Variants in SLF1 observed in about 807,000 individuals in gnomAD.
SLF1 encodes SMC5/6 complex localization factor 1.
Under a neutral mutation model 123.0 loss-of-function variants are expected in SLF1, and 105 were observed. That is an observed-to-expected ratio of 0.85 (90% CI 0.73 to 1.00). SLF1 has a LOEUF of 1.00. Among genes scored for constraint, SLF1 ranks in the 50% least tolerant of loss-of-function variants. The pLI is 0.00. For synonymous variants in SLF1, 434 were observed against 406.6 expected (o/e 1.07, Z -0.81); for missense variants, 1,239 against 1,223.0 (o/e 1.01, Z -0.20).
At chr5:94,654,430 C>G (rs1013961763) in intron 8 of SLF1, among the ~76,000 whole-genome samples, 200 bp from the exon 9 acceptor site, 6 of 149,070 alleles carry the variant, frequency 4.0e-5, no homozygotes, top group Non-Finnish European at 5.9e-5. Context: ...ATGTAAATAT[C>G]AGTTAATTCT....
chr5:94,630,530 T>C lies in SLF1; in HGVS notation c.218T>C (p.Ile73Thr). ...AGKWILTKDY[I>T]IHSAKSGRWL... Reference sequence around the variant, plus strand: ...AAGTGGATACTAACCAAGGACTATATAATTCATAGTGCCAAAAGTGGCAGA... The same window carrying C: ...AAGTGGATACTAACCAAGGACTATACAATTCATAGTGCCAAAAGTGGCAGA... Residue 73 changes from isoleucine (I) to threonine (T), a missense_variant, in exon 4 of 21, where the codon ATA becomes ACA. Physicochemically the swap from Ile to Thr is moderately conservative, Grantham distance 89. Transcript: ENST00000265140. 1.9e-6 allele frequency: 3 copies of C among 1,551,608 alleles called. No individual in the cohort carries two copies. Among genetic ancestry groups the C allele is most frequent in the Non-Finnish European group, 2.6e-6 (3 of 1,146,900 alleles).
chr5:94,675,058 C>T (rs901224672), intron 14 of SLF1, among the ~76,000 whole-genome samples: 4 of 152,340 alleles, frequency 2.6e-5, no homozygotes, highest in African/African-American at 9.6e-5. Flanking sequence ...GGAAGAGGCA[C>T]AGTGTGTGCT....
intron 8 of SLF1, 146 bp from the exon 9 acceptor site, chr5:94,654,484 T>G (rs2152480829): frequency 2.3e-6 from 1 of 432,810 alleles, no homozygotes; most frequent in African/African-American, 2.1e-5. Flanking sequence ...TCTTTCATTG[T>G]GTAATCTTGA....
intron 20 of SLF1, among the ~76,000 whole-genome samples, chr5:94,693,833 G>C (rs1167027618): frequency 6.7e-6 from 1 of 148,916 alleles, no homozygotes; most frequent in East Asian, 2.0e-4. Flanking sequence ...GCCTAATTTT[G>C]TTTTAGAATT....
chr5:94,643,740 T>C lies in SLF1; in HGVS notation c.594+305T>C, dbSNP rs77331929. On this transcript the variant is annotated intron_variant, in intron 5 of 20. Coordinates refer to ENST00000265140, the MANE Select transcript of SLF1 (RefSeq NM_032290.4). Reference sequence around the variant, plus strand: ...TGAGAATTTGGGGGTTATTTTTCCTTTGGAAAAGAGAGCTATTTCTAAGGG... The same window carrying C: ...TGAGAATTTGGGGGTTATTTTTCCTCTGGAAAAGAGAGCTATTTCTAAGGG... Among the ~76,000 whole-genome samples, 553 of 152,238 alleles carry C rather than the reference T, an allele frequency of 3.6e-3. 2 individuals are homozygous for C. Among genetic ancestry groups the C allele is most frequent in the African/African-American group, 0.013 (534 of 41,562 alleles).
intron 12 of SLF1, among the ~76,000 whole-genome samples, chr5:94,666,569 C>G (rs1279021079): frequency 6.6e-6 from 1 of 152,122 alleles, no homozygotes; most frequent in African/African-American, 2.4e-5. Context: ...CCTTCTTTCT[C>G]CCTAACAGAA....
At chr5:94,625,447 G>C (rs1328366621) in intron 1 of SLF1, among the ~76,000 whole-genome samples, 1 of 151,330 alleles carries the variant, frequency 6.6e-6, no homozygotes, top group East Asian at 2.0e-4. Flanking sequence ...GCAATGGTGT[G>C]GTCTCGGCTC....
intron 8 of SLF1, among the ~76,000 whole-genome samples, chr5:94,653,949 T>C (rs867568867): frequency 1.3e-5 from 2 of 152,170 alleles, no homozygotes; most frequent in Middle Eastern, 3.4e-3. Flanking sequence ...CGGGGCAGAT[T>C]GCTTGAGCTC....
At position 94,662,344 on chromosome 5, in the gene SLF1, A is replaced by C. The variant is rs1046089945; in HGVS notation, c.1202A>C (p.Asn401Thr). The part of the protein sequence containing the change: ...CIRIDKQPVY[N>T]VEVKNAEFPR... ...AGAATAGATAAACAACCAGTGTACA[A>C]CGTAGAGGTAAGGGGCTTGGAGCAG... The change falls in exon 10 of 21, where the codon AAC becomes ACC. Residue 401 changes from asparagine to threonine, a missense_variant. Asn to Thr is a moderately conservative substitution (Grantham distance 65, BLOSUM62 0). Transcript: ENST00000265140. 6.5e-7 allele frequency: 1 copy of C among 1,548,778 alleles called. No homozygotes were observed. The highest frequency in any genetic ancestry group is 8.7e-7 in the Non-Finnish European group (1 of 1,145,428).
intron 6 of SLF1, among the ~76,000 whole-genome samples, chr5:94,650,186 CT>C (rs1346036734): frequency 2.0e-5 from 3 of 152,000 alleles, no homozygotes; most frequent in African/African-American, 7.3e-5. Context: ...GTTATGTTCA[CT>C]TTCATATTGT....
At chr5:94,661,921 CAAT>C (rs144752736) in intron 9 of SLF1, among the ~76,000 whole-genome samples, 3,659 of 152,202 alleles carry the variant, frequency 0.024, 69 homozygotes, top group Non-Finnish European at 0.033. Context: ...TGTTTTAAAA[CAAT>C]AAGATTTGAC....
In SLF1 at chr5:94,627,585, CATATATATAT is replaced by C. The variant is rs58847356; in HGVS notation, c.1-1200_1-1191del. Reference sequence around the variant, plus strand: ...TCTACCTTGTAAATGATGAAATTAACATATATATATATATATATATATATATATATATATA... The same window carrying C: ...TCTACCTTGTAAATGATGAAATTAACATATATATATATATATATATATATA... On this transcript the variant is annotated intron_variant, in intron 1 of 20. Transcript: ENST00000265140. Among the ~76,000 whole-genome samples, 88 of 86,844 alleles carry C rather than the reference CATATATATAT, an allele frequency of 1.0e-3. 1 individual carries two copies. Among genetic ancestry groups the C allele is most frequent in the African/African-American group, 2.9e-3 (67 of 23,300 alleles). The allele number at this position is 86,844 out of a possible 152,430, so 57.0% of individuals were successfully genotyped here.
intron 6 of SLF1, 57 bp from the exon 7 acceptor site, chr5:94,651,645 G>C (rs1215522608): frequency 7.3e-7 from 1 of 1,362,552 alleles, no homozygotes; most frequent in South Asian, 1.6e-5. Context: ...TGTGTTGATT[G>C]TGTTAAGGCT....
At chr5:94,685,261 T>C (rs1752280959) in intron 15 of SLF1, among the ~76,000 whole-genome samples, 1 of 152,238 alleles carries the variant, frequency 6.6e-6, no homozygotes, top group Admixed American at 6.5e-5. Context: ...AAGTTTATCA[T>C]TGTCTGATTT....
At chr5:94,654,780 T>C (rs1448776828) in intron 9 of SLF1, 28 bp downstream of exon 9, 2 of 1,467,498 alleles carry the variant, frequency 1.4e-6, no homozygotes, top group African/African-American at 2.9e-5. Flanking sequence ...AAAAATTTTG[T>C]ATAATATCGT....
intron 15 of SLF1, among the ~76,000 whole-genome samples, chr5:94,684,426 C>CT (rs1752148927): frequency 6.6e-6 from 1 of 152,068 alleles, no homozygotes; most frequent in South Asian, 2.1e-4. Context: ...CGGCCAGGTG[C>CT]GGTGGGTCAC....
chr5:94,619,337 A>G (rs1483931972), intron 1 of SLF1, among the ~76,000 whole-genome samples: 1 of 151,704 alleles, frequency 6.6e-6, no homozygotes, highest in African/African-American at 2.4e-5. Flanking sequence ...TCTGACTGCT[A>G]TAGGCCTTTA....
intron 14 of SLF1, 141 bp downstream of exon 14, chr5:94,671,149 T>TATCC: frequency 1.7e-6 from 1 of 605,512 alleles, no homozygotes; most frequent in Non-Finnish European, 2.4e-6. Context: ...CTATTTAGTT[T>TATCC]AGTTTTAAGG....
At chr5:94,638,934 C>G (rs1229027507) in intron 4 of SLF1, among the ~76,000 whole-genome samples, 3 of 150,884 alleles carry the variant, frequency 2.0e-5, no homozygotes, top group Non-Finnish European at 4.4e-5. Flanking sequence ...CAATTTCTGC[C>G]TTTAATTGCA....
Sources: allele counts gnomAD v4.1 joint callset (sites outside exome capture counted in the v4.1 genomes callset), GRCh38; gene constraint gnomAD v4.1.1; transcripts MANE v1.5; gene names NCBI Gene and HGNC (gene_info 2026-07-23, HGNC 2026-07-21).